MBNL2: variants seen among roughly 807,000 people sequenced by gnomAD.
The protein encoded by MBNL2 is muscleblind like splicing regulator 2.
In MBNL2, 17 loss-of-function variants were observed where a neutral mutation model predicts 41.9. That is an observed-to-expected ratio of 0.41 (90% CI 0.28 to 0.61). The LOEUF is 0.61. MBNL2 is among the 20% of genes least tolerant of loss of function. The pLI, the probability that MBNL2 is intolerant of heterozygous loss-of-function variation, is 0.35. For synonymous variants in MBNL2, 195 were observed against 182.9 expected (o/e 1.07, Z -0.53); for missense variants, 336 against 505.6 (o/e 0.66, Z 3.22).
intron 1 of MBNL2, among the ~76,000 whole-genome samples, chr13:97,263,626 G>A (rs753936749): frequency 2.6e-5 from 4 of 152,104 alleles, no homozygotes; most frequent in Non-Finnish European, 4.4e-5. Context: ...TACCTCTGTT[G>A]TTATTTATTG....
At chr13:97,192,207 AAG>A in the MBNL2 span, among the ~76,000 whole-genome samples, 15 of 152,202 alleles carry the variant, frequency 9.9e-5, no homozygotes, top group Non-Finnish European at 1.2e-4. Context: ...TTCAGAAAAA[AAG>A]AGAGGAAAAA....
At chr13:97,389,402 A>C (rs759708193) in intron 8 of MBNL2, among the ~76,000 whole-genome samples, 1 of 152,186 alleles carries the variant, frequency 6.6e-6, no homozygotes, top group Non-Finnish European at 1.5e-5. Context: ...ACATATTATT[A>C]TATATCAATT....
Position 97,381,138 on chromosome 13 carries a change from C to A in MBNL2, c.1049-10184C>A, listed in dbSNP as rs530854717. On this transcript the variant is annotated intron_variant, in intron 8 of 8. Coordinates refer to ENST00000679496, the MANE Select transcript of MBNL2 (RefSeq NM_001382683.1). ...CTGACACACACACACACACACACAC[C>A]ACACACAGGCAAAGAACTAAAAAGA... Among the ~76,000 whole-genome samples the A allele has an allele frequency of 3.5e-3, 515 of 147,988 alleles. 2 individuals are homozygous for A. The highest frequency in any genetic ancestry group is 5.1e-3 in the Non-Finnish European group (342 of 67,410).
At chr13:97,149,370 A>C in the MBNL2 span, among the ~76,000 whole-genome samples, 1 of 152,134 alleles carries the variant, frequency 6.6e-6, no homozygotes, top group Non-Finnish European at 1.5e-5. Context: ...TCAACTCTGC[A>C]TCTTCCTCAG....
At chr13:97,163,804 G>T in the MBNL2 span, among the ~76,000 whole-genome samples, 2 of 152,152 alleles carry the variant, frequency 1.3e-5, no homozygotes, top group South Asian at 4.2e-4. Flanking sequence ...GTCCTTATAA[G>T]AAAAAGGGAA....
chr13:97,236,788 TTGAAAG>T (rs2043363216), intron 1 of MBNL2, among the ~76,000 whole-genome samples: 1 of 152,184 alleles, frequency 6.6e-6, no homozygotes, highest in Non-Finnish European at 1.5e-5. Context: ...AATTAGAAAC[TTGAAAG>T]GAAATGATCA....
chr13:97,338,988 C>T (rs2061139430), intron 3 of MBNL2, among the ~76,000 whole-genome samples: 1 of 151,622 alleles, frequency 6.6e-6, no homozygotes, highest in African/African-American at 2.4e-5. Flanking sequence ...AAAGAATGTG[C>T]ATGTTTGCGT....
the MBNL2 span, among the ~76,000 whole-genome samples, chr13:97,190,506 A>C: frequency 2.0e-5 from 3 of 152,154 alleles, no homozygotes; most frequent in Non-Finnish European, 4.4e-5. Flanking sequence ...TGTTTATTAC[A>C]GATCAGATAT....
chr13:97,199,766 C>A, the MBNL2 span, among the ~76,000 whole-genome samples: 3 of 152,194 alleles, frequency 2.0e-5, no homozygotes, highest in African/African-American at 7.2e-5. Flanking sequence ...AATGTGGGGA[C>A]TTTGGTGTCT....
the MBNL2 span, among the ~76,000 whole-genome samples, chr13:97,212,879 G>A: frequency 6.6e-6 from 1 of 152,194 alleles, no homozygotes; most frequent in African/African-American, 2.4e-5. Flanking sequence ...GCTGAAACAT[G>A]GAATTTAGAC....
upstream of MBNL2, among the ~76,000 whole-genome samples, chr13:97,218,899 G>A (rs146307956): frequency 0.012 from 1,888 of 151,422 alleles, 47 homozygotes; most frequent in African/African-American, 0.043. Context: ...TACTAGATTA[G>A]ATGTTAGAGA....
At chr13:97,188,196 AG>A in the MBNL2 span, among the ~76,000 whole-genome samples, 1 of 152,078 alleles carries the variant, frequency 6.6e-6, no homozygotes, top group Non-Finnish European at 1.5e-5. Context: ...ATTACCAAGG[AG>A]GGGGTGTGAT....
intron 1 of MBNL2, among the ~76,000 whole-genome samples, chr13:97,229,266 A>T (rs1378646767): frequency 6.6e-6 from 1 of 151,436 alleles, no homozygotes; most frequent in Admixed American, 6.6e-5. Context: ...TTTGGGTGGG[A>T]GTAAGAGATA....
intron 1 of MBNL2, among the ~76,000 whole-genome samples, chr13:97,238,279 TG>T (rs2043662036): frequency 1.3e-5 from 2 of 152,018 alleles, no homozygotes; most frequent in African/African-American, 4.8e-5. Flanking sequence ...GACACAGGCT[TG>T]GGTAGATGAC....
chr13:97,154,892 G>T, the MBNL2 span, among the ~76,000 whole-genome samples: 6 of 152,226 alleles, frequency 3.9e-5, no homozygotes, highest in African/African-American at 1.4e-4. Flanking sequence ...GTGATTCTAA[G>T]ATTAGAGGGA....
At chr13:97,209,270 C>T in the MBNL2 span, among the ~76,000 whole-genome samples, 1 of 152,164 alleles carries the variant, frequency 6.6e-6, no homozygotes, top group Admixed American at 6.5e-5. Context: ...CCTGTCAAAA[C>T]ATGTTAATAG....
intron 2 of MBNL2, among the ~76,000 whole-genome samples, chr13:97,279,310 G>A (rs9516887): frequency 0.44 from 66,772 of 152,022 alleles, 17,616 homozygotes; most frequent in East Asian, 0.63. Flanking sequence ...ATTTTACCTC[G>A]TTGGCTTCAG....
At chr13:97,315,109 CATATCT>C (rs1181601856) in intron 2 of MBNL2, among the ~76,000 whole-genome samples, 1 of 151,926 alleles carries the variant, frequency 6.6e-6, no homozygotes, top group African/African-American at 2.4e-5. Flanking sequence ...GGGGACACAC[CATATCT>C]ATATTTAAAA....
chr13:97,158,307 T>C, the MBNL2 span, among the ~76,000 whole-genome samples: 3 of 151,184 alleles, frequency 2.0e-5, no homozygotes, highest in East Asian at 5.9e-4. Flanking sequence ...TTAGTCTTGC[T>C]AGCGGTCTAT....
Sources: allele counts gnomAD v4.1 joint callset (sites outside exome capture counted in the v4.1 genomes callset), GRCh38; gene constraint gnomAD v4.1.1; transcripts MANE v1.5; gene names NCBI Gene and HGNC (gene_info 2026-07-23, HGNC 2026-07-21).